PTPRD: variants seen among roughly 807,000 people sequenced by gnomAD.
PTPRD encodes protein tyrosine phosphatase receptor type D, also known as receptor-type tyrosine-protein phosphatase delta.
In PTPRD, 34 loss-of-function variants were observed where a neutral mutation model predicts 214.5. That is an observed-to-expected ratio of 0.16 (90% CI 0.12 to 0.21). The LOEUF (loss-of-function observed/expected upper bound fraction) is 0.21, where lower values mean the gene tolerates loss of function less well. Among genes scored for constraint, PTPRD ranks in the 10% least tolerant of loss-of-function variants. The pLI is 1.00. For missense variants in PTPRD, 2,545 were observed against 2,398.7 expected, an observed-to-expected ratio of 1.06 and a Z score of -1.27; for synonymous variants, 1,128 against 845.7, an observed-to-expected ratio of 1.33 and a Z score of -5.79.
At chr9:10,313,137 A>C (rs992263994) in intron 3 of PTPRD, among the ~76,000 whole-genome samples, 2 of 151,866 alleles carry the variant, frequency 1.3e-5, no homozygotes, top group African/African-American at 4.8e-5. Context: ...TGGAACAGAA[A>C]TTTGAAAAGA....
At chr9:9,046,810 T>A (rs979737028) in intron 10 of PTPRD, among the ~76,000 whole-genome samples, 1 of 152,172 alleles carries the variant, frequency 6.6e-6, no homozygotes, top group Non-Finnish European at 1.5e-5. Context: ...TTAGCTAGTA[T>A]CATACTGAAT....
chr9:10,178,653 A>G (rs974424652), intron 3 of PTPRD, among the ~76,000 whole-genome samples: 1 of 152,036 alleles, frequency 6.6e-6, no homozygotes, highest in Non-Finnish European at 1.5e-5. Context: ...AAAAGAAATA[A>G]TAAGTGAAGA....
At chr9:9,050,788 T>C (rs2099683580) in intron 10 of PTPRD, among the ~76,000 whole-genome samples, 1 of 152,182 alleles carries the variant, frequency 6.6e-6, no homozygotes. Context: ...AAGTTCGTTG[T>C]TATAATTGTT....
At chr9:8,617,457 C>T (rs1204845840) in intron 14 of PTPRD, among the ~76,000 whole-genome samples, 1 of 152,060 alleles carries the variant, frequency 6.6e-6, no homozygotes. Flanking sequence ...TATTCCTATT[C>T]CTGATTACTA....
chr9:10,451,905 T>C (rs978772485), intron 2 of PTPRD, among the ~76,000 whole-genome samples: 1 of 148,410 alleles, frequency 6.7e-6, no homozygotes, highest in Admixed American at 6.7e-5. Context: ...GTTAAAGGTA[T>C]TATTTTCGAA....
At chr9:8,727,052 T>C (rs533274095) in intron 12 of PTPRD, among the ~76,000 whole-genome samples, 1 of 152,058 alleles carries the variant, frequency 6.6e-6, no homozygotes, top group South Asian at 2.1e-4. Context: ...AAGTTAAGAA[T>C]GTTAAGGGAA....
chr9:10,568,433 G>T (rs1444487493), intron 2 of PTPRD, among the ~76,000 whole-genome samples: 1 of 152,034 alleles, frequency 6.6e-6, no homozygotes, highest in African/African-American at 2.4e-5. Flanking sequence ...ACATACGTGT[G>T]CATGTGTCTT....
intron 10 of PTPRD, among the ~76,000 whole-genome samples, chr9:9,083,551 T>G (rs189106159): frequency 5.4e-4 from 82 of 152,136 alleles, no homozygotes; most frequent in African/African-American, 1.9e-3. Context: ...AATTGACAGA[T>G]GGGATCTAAT....
intron 9 of PTPRD, among the ~76,000 whole-genome samples, chr9:9,387,997 A>G (rs1308150244): frequency 1.3e-5 from 2 of 152,142 alleles, no homozygotes; most frequent in African/African-American, 4.8e-5. Flanking sequence ...ACAAGGACAG[A>G]GGGATTTCTG....
At chr9:9,132,420 C>A (rs1037356024) in intron 10 of PTPRD, among the ~76,000 whole-genome samples, 3 of 152,048 alleles carry the variant, frequency 2.0e-5, no homozygotes, top group African/African-American at 7.2e-5. Flanking sequence ...TACATCAGTA[C>A]CAATAATAAT....
At chr9:9,562,549 C>A (rs1569569300) in intron 8 of PTPRD, among the ~76,000 whole-genome samples, 1 of 152,158 alleles carries the variant, frequency 6.6e-6, no homozygotes, top group Non-Finnish European at 1.5e-5. Context: ...TGTTACTATT[C>A]TGACCTCAGG....
At chr9:9,728,048 G>A (rs1032796592) in intron 7 of PTPRD, among the ~76,000 whole-genome samples, 6 of 152,088 alleles carry the variant, frequency 3.9e-5, no homozygotes, top group Admixed American at 3.3e-4. Context: ...TTGTGGTAGT[G>A]AATAAGTCTC....
At chr9:9,956,997 G>A (rs958062037) in intron 4 of PTPRD, among the ~76,000 whole-genome samples, 2 of 152,148 alleles carry the variant, frequency 1.3e-5, no homozygotes, top group Non-Finnish European at 2.9e-5. Flanking sequence ...AACCTAACAA[G>A]AGAAACTATT....
At chr9:10,293,994 T>C (rs2095603981) in intron 3 of PTPRD, among the ~76,000 whole-genome samples, 1 of 151,998 alleles carries the variant, frequency 6.6e-6, no homozygotes, top group Admixed American at 6.6e-5. Flanking sequence ...TTTCACTGAT[T>C]TTCCATTACT....
intron 9 of PTPRD, among the ~76,000 whole-genome samples, chr9:9,381,630 G>C (rs1375260765): frequency 6.6e-6 from 1 of 151,906 alleles, no homozygotes; most frequent in African/African-American, 2.4e-5. Context: ...TGAGATTACA[G>C]GTGTGGGCCA....
intron 7 of PTPRD, among the ~76,000 whole-genome samples, chr9:9,643,382 A>C (rs1353989440): frequency 1.3e-5 from 2 of 152,184 alleles, no homozygotes; most frequent in African/African-American, 4.8e-5. Flanking sequence ...TAGGGCCTCA[A>C]TCACTAAACT....
At chr9:10,370,678 T>C (rs1023235101) in intron 2 of PTPRD, among the ~76,000 whole-genome samples, 2 of 152,090 alleles carry the variant, frequency 1.3e-5, no homozygotes, top group Non-Finnish European at 2.9e-5. Context: ...AAATATACCA[T>C]GCTTAATATT....
At chr9:9,374,774 CT>C (rs2060357094) in intron 9 of PTPRD, among the ~76,000 whole-genome samples, 1 of 152,180 alleles carries the variant, frequency 6.6e-6, no homozygotes, top group Non-Finnish European at 1.5e-5. Context: ...CCAGGGCCAT[CT>C]TTGTCTTACA....
intron 5 of PTPRD, among the ~76,000 whole-genome samples, chr9:9,828,714 AT>A (rs549308486): frequency 0.036 from 5,267 of 144,348 alleles, 84 homozygotes; most frequent in Middle Eastern, 0.062. Flanking sequence ...CCTAAGCAGG[AT>A]TTTTTTTTTT....
Sources: allele counts gnomAD v4.1 joint callset (sites outside exome capture counted in the v4.1 genomes callset), GRCh38; gene constraint gnomAD v4.1.1; transcripts MANE v1.5; gene names NCBI Gene and HGNC (gene_info 2026-07-23, HGNC 2026-07-21).